Variants in EZR observed in about 807,000 individuals in gnomAD.
EZR encodes ezrin, also known as cytovillin 2.
A neutral mutation model predicts 74.8 loss-of-function variants in EZR; 40 were observed. The observed-to-expected ratio is 0.53, with a 90% CI of 0.42 to 0.70. The LOEUF (loss-of-function observed/expected upper bound fraction) is 0.70, where lower values mean the gene tolerates loss of function less well. Ranked by LOEUF, EZR falls within the 30% of genes least tolerant of loss-of-function variation. The probability of loss-of-function intolerance (pLI) is 0.00; values close to 1 mark genes in which losing one functional copy is unlikely to be tolerated. For synonymous variants in EZR, 341 were observed against 283.3 expected, an observed-to-expected ratio of 1.20 and a Z score of -2.05; for missense variants, 678 against 755.8, an observed-to-expected ratio of 0.90 and a Z score of 1.21.
intron 10 of EZR, among the ~76,000 whole-genome samples, chr6:158,770,320 G>A (rs532859279): frequency 6.2e-4 from 95 of 152,278 alleles, no homozygotes; most frequent in Non-Finnish European, 1.1e-3. Context: ...CATCTGTGGC[G>A]CCTTGTGTAA....
rs759825698 is a variant in EZR, at chr6:158,767,419, G to A, written c.1438C>T (p.Pro480Ser). The A allele has an allele frequency of 9.3e-6, 15 of 1,613,292 alleles. No individual in the cohort carries two copies. In the South Asian group the frequency reaches 1.5e-4, roughly 17 times the overall value. Residue 480 changes from proline to serine, a missense_variant, in exon 13 of 14, where the codon CCG (proline) becomes TCG (serine). Coordinates refer to ENST00000367075, the MANE Select transcript of EZR (RefSeq NM_001111077.2). ...PPPPPPPVYE[P>S]VSYHVQESLQ... ...CTCTCCTGGACATGGTAGCTCACCG[G>A]CTCGTACACGGGGGGTGGTGGGGGC...
intron 8 of EZR, among the ~76,000 whole-genome samples, chr6:158,775,982 A>G (rs1405467903): frequency 2.6e-5 from 4 of 152,162 alleles, no homozygotes; most frequent in African/African-American, 7.2e-5. Context: ...GGCACCAGCA[A>G]TGCTTGGGTG....
intron 2 of EZR, among the ~76,000 whole-genome samples, chr6:158,801,413 A>G (rs1187150837): frequency 2.6e-5 from 4 of 152,204 alleles, no homozygotes; most frequent in African/African-American, 9.6e-5. Context: ...CTGCTTGTCT[A>G]TCGGGCTCAG....
intron 8 of EZR, among the ~76,000 whole-genome samples, chr6:158,774,100 C>T (rs1303116017): frequency 6.6e-6 from 1 of 152,228 alleles, no homozygotes; most frequent in Admixed American, 6.5e-5. Flanking sequence ...TGAAAGTCAA[C>T]ACAAGATAAG....
chr6:158,812,750 C>G (rs754805677), intron 2 of EZR, among the ~76,000 whole-genome samples: 15 of 152,140 alleles, frequency 9.9e-5, no homozygotes, highest in Non-Finnish European at 2.1e-4. Context: ...TCCCCCACAC[C>G]TGGTCCTTCT....
intron 8 of EZR, 79 bp downstream of exon 8, chr6:158,776,329 A>G: frequency 8.5e-7 from 1 of 1,176,970 alleles, no homozygotes; most frequent in Non-Finnish European, 1.3e-6. Flanking sequence ...GCTACTCGTC[A>G]CAGTATAACT....
chr6:158,782,479 GA>G (rs1437775132), intron 7 of EZR, among the ~76,000 whole-genome samples: 1 of 152,204 alleles, frequency 6.6e-6, no homozygotes, highest in African/African-American at 2.4e-5. Flanking sequence ...TCATTTCAAG[GA>G]ACAGCATGAG....
intron 3 of EZR, among the ~76,000 whole-genome samples, chr6:158,788,809 T>C (rs1791652671): frequency 6.6e-6 from 1 of 152,216 alleles, no homozygotes; most frequent in South Asian, 2.1e-4. Context: ...CTTCCTTTCA[T>C]AGATGTTCAG....
At chr6:158,793,882 A>G (rs1791806627) in intron 2 of EZR, among the ~76,000 whole-genome samples, 1 of 152,260 alleles carries the variant, frequency 6.6e-6, no homozygotes, top group African/African-American at 2.4e-5. Context: ...GCTACAATAC[A>G]GCATAAGCTT....
intron 2 of EZR, among the ~76,000 whole-genome samples, chr6:158,799,214 T>G (rs972956883): frequency 2.6e-5 from 4 of 151,988 alleles, no homozygotes; most frequent in African/African-American, 9.7e-5. Flanking sequence ...CTTGAACATG[T>G]GAAAAAAAAT....
chr6:158,795,125 A>G (rs1206167682), intron 2 of EZR, among the ~76,000 whole-genome samples: 1 of 152,058 alleles, frequency 6.6e-6, no homozygotes, highest in Non-Finnish European at 1.5e-5. Flanking sequence ...GGTGGCACAC[A>G]CCTGTAATCC....
chr6:158,790,069 T>A (rs1791695292), intron 2 of EZR, among the ~76,000 whole-genome samples: 1 of 152,156 alleles, frequency 6.6e-6, no homozygotes, highest in African/African-American at 2.4e-5. Context: ...GAGCTTTGAA[T>A]CAGAAGGTTT....
chr6:158,773,447 G>A lies in EZR; in HGVS notation c.796-2040C>T, dbSNP rs541560881. On this transcript the variant is annotated intron_variant, in intron 8 of 13. Transcript: ENST00000367075. ...TCTAAATCCAAGTCCCTAACCTGAT[G>A]CAGGATGCAGCTTCCTGATGCAGAA... Among the ~76,000 whole-genome samples, 8 of 152,338 alleles carry A rather than the reference G, an allele frequency of 5.3e-5. No individual in the cohort carries two copies. In the South Asian group the frequency reaches 1.7e-3, roughly 32 times the overall value.
chr6:158,810,414 A>G (rs1777429094), intron 2 of EZR, among the ~76,000 whole-genome samples: 1 of 152,216 alleles, frequency 6.6e-6, no homozygotes, highest in Admixed American at 6.5e-5. Context: ...TCTTCTGTGA[A>G]GACCTCTATC....
At position 158,798,987 on chromosome 6, in the gene EZR, T is replaced by C. The variant is rs118066545; in HGVS notation, c.13-9616A>G. 1.8e-3 allele frequency among the ~76,000 whole-genome samples: 276 copies of C among 152,322 alleles called. 1 individual carries two copies. The highest frequency in any genetic ancestry group is 3.2e-3 in the Non-Finnish European group (218 of 68,024). On this transcript the variant is annotated intron_variant, in intron 2 of 13. Coordinates refer to ENST00000367075, the MANE Select transcript of EZR (RefSeq NM_001111077.2). ...CTAATTACAAAAATTTGTTTTGTTA[T>C]AACTGAACATTCCCTTTCTATTTTA... is the stretch of plus-strand genomic sequence containing the variant.
chr6:158,786,375 A>G (rs1791583164), intron 4 of EZR, among the ~76,000 whole-genome samples: 1 of 152,226 alleles, frequency 6.6e-6, no homozygotes, highest in African/African-American at 2.4e-5. Context: ...CTCCATCTCA[A>G]AACAACAACA....
chr6:158,818,505 C>A (rs1428387404), intron 1 of EZR, among the ~76,000 whole-genome samples: 3 of 146,028 alleles, frequency 2.1e-5, no homozygotes, highest in African/African-American at 7.7e-5. Context: ...GGGCGCAGGC[C>A]CGGGAGAGAG....
chr6:158,775,474 T>C (rs908966522), intron 8 of EZR, among the ~76,000 whole-genome samples: 4 of 152,228 alleles, frequency 2.6e-5, no homozygotes, highest in African/African-American at 9.7e-5. Context: ...TTACCATTGC[T>C]AAGCAGTACC....
chr6:158,814,927 A>C (rs916828750), intron 2 of EZR, among the ~76,000 whole-genome samples: 5 of 152,182 alleles, frequency 3.3e-5, no homozygotes, highest in Non-Finnish European at 7.3e-5. Context: ...CTGTTTTATG[A>C]ATAAAGTCAT....
Sources: gnomAD v4.1 joint callset for allele counts (sites outside exome capture counted in the v4.1 genomes callset) on GRCh38, gnomAD v4.1.1 for gene constraint, MANE v1.5 for transcripts, NCBI Gene and HGNC (gene_info 2026-07-23, HGNC 2026-07-21) for gene names.